The following DDR2 variants were observed in gnomAD, a reference collection of about 807,000 sequenced individuals.
DDR2 encodes the protein discoidin domain receptor tyrosine kinase 2, also known as discoidin domain-containing receptor 2.
Under a neutral mutation model 94.9 loss-of-function variants are expected in DDR2, and 27 were observed. The observed-to-expected ratio is 0.28, with a 90% CI of 0.21 to 0.39. The LOEUF is 0.39. Ranked by LOEUF, DDR2 falls within the 10% of genes least tolerant of loss-of-function variation. The probability of loss-of-function intolerance (pLI) is 1.00; values close to 1 mark genes in which losing one functional copy is unlikely to be tolerated. For synonymous variants in DDR2, 382 were observed against 377.2 expected (o/e 1.01, Z -0.15); for missense variants, 783 against 1,076.0 (o/e 0.73, Z 3.81).
intron 2 of DDR2, among the ~76,000 whole-genome samples, chr1:162,679,024 CAA>C (rs1266132439): frequency 1.3e-5 from 2 of 150,886 alleles, no homozygotes; most frequent in Admixed American, 1.3e-4. Context: ...CATGTTCTTA[CAA>C]GAGTGACACT....
chr1:162,697,541 G>A (rs10737487), intron 2 of DDR2, among the ~76,000 whole-genome samples: 90,640 of 152,016 alleles, frequency 0.6, 30,602 homozygotes, highest in Middle Eastern at 0.79. Context: ...TGCTTTGGGT[G>A]TATTTGTTTT....
intron 1 of DDR2, among the ~76,000 whole-genome samples, chr1:162,642,232 C>T (rs1439013730): frequency 6.6e-6 from 1 of 152,120 alleles, no homozygotes; most frequent in Non-Finnish European, 1.5e-5. Flanking sequence ...GTTGGGATTA[C>T]AGGCGTAAGC....
intron 2 of DDR2, among the ~76,000 whole-genome samples, chr1:162,691,999 G>A (rs1409255163): frequency 6.6e-6 from 1 of 152,230 alleles, no homozygotes; most frequent in Non-Finnish European, 1.5e-5. Context: ...GACCTTCAGA[G>A]CATCCTCAGT....
intron 2 of DDR2, among the ~76,000 whole-genome samples, chr1:162,676,610 C>T (rs953317151): frequency 6.6e-6 from 1 of 152,232 alleles, no homozygotes; most frequent in Non-Finnish European, 1.5e-5. Flanking sequence ...GCCTCTTGCA[C>T]ATTTTGGAAA....
intron 2 of DDR2, among the ~76,000 whole-genome samples, chr1:162,678,834 G>T (rs1202394902): frequency 6.6e-6 from 1 of 152,212 alleles, no homozygotes; most frequent in African/African-American, 2.4e-5. Context: ...TTGGTGAGTG[G>T]CACTCAGTGG....
intron 16 of DDR2, among the ~76,000 whole-genome samples, chr1:162,778,309 A>G (rs141533803): frequency 6.6e-6 from 1 of 152,314 alleles, no homozygotes; most frequent in East Asian, 1.9e-4. Context: ...CCTAGAGTTG[A>G]AAGGTTGACC....
At chr1:162,707,107 C>A (rs1660698152) in intron 2 of DDR2, among the ~76,000 whole-genome samples, 1 of 152,076 alleles carries the variant, frequency 6.6e-6, no homozygotes, top group South Asian at 2.1e-4. Context: ...ACTCCTGGGC[C>A]ATATTCTTCC....
At chr1:162,752,645 C>A (rs531887686) in intron 3 of DDR2, among the ~76,000 whole-genome samples, 17 of 152,160 alleles carry the variant, frequency 1.1e-4, no homozygotes, top group South Asian at 1.0e-3. Context: ...TGTGTAGTTT[C>A]TTTATAGTTT....
chr1:162,757,625 T>A (rs1558068705), intron 7 of DDR2, among the ~76,000 whole-genome samples: 1 of 152,134 alleles, frequency 6.6e-6, no homozygotes, highest in Non-Finnish European at 1.5e-5. Context: ...AACATTATCA[T>A]TAATGTAATG....
intron 2 of DDR2, among the ~76,000 whole-genome samples, chr1:162,678,934 C>T (rs1659263924): frequency 6.6e-6 from 1 of 152,090 alleles, no homozygotes; most frequent in South Asian, 2.1e-4. Flanking sequence ...TACAAATTTT[C>T]AGAGACACAG....
chr1:162,730,752 T>C (rs1661999465), intron 3 of DDR2, among the ~76,000 whole-genome samples: 1 of 152,176 alleles, frequency 6.6e-6, no homozygotes, highest in East Asian at 1.9e-4. Flanking sequence ...CTAATCTGTG[T>C]CCTGTCCGAC....
intron 2 of DDR2, among the ~76,000 whole-genome samples, chr1:162,669,320 T>C (rs1658724288): frequency 6.6e-6 from 1 of 152,256 alleles, no homozygotes. Context: ...AGTATTCTGA[T>C]TTTTAATTTA....
intron 1 of DDR2, among the ~76,000 whole-genome samples, chr1:162,645,924 G>A (rs1022494757): frequency 6.6e-6 from 1 of 152,196 alleles, no homozygotes; most frequent in East Asian, 1.9e-4. Flanking sequence ...TATGCCTCAA[G>A]TTTCTGCTTA....
intron 3 of DDR2, among the ~76,000 whole-genome samples, chr1:162,742,704 A>C (rs906969015): frequency 6.6e-5 from 10 of 151,580 alleles, no homozygotes; most frequent in Admixed American, 6.6e-5. Context: ...ATGGTGTATT[A>C]ATCCATTTTC....
intron 2 of DDR2, among the ~76,000 whole-genome samples, chr1:162,667,398 C>T (rs532777283): frequency 2.8e-4 from 43 of 152,242 alleles, no homozygotes; most frequent in Non-Finnish European, 5.9e-4. Context: ...TATGGCAGAC[C>T]CCGTGTTTCC....
chr1:162,701,148 A>G (rs1347627973), intron 2 of DDR2, among the ~76,000 whole-genome samples: 2 of 152,042 alleles, frequency 1.3e-5, no homozygotes, highest in Admixed American at 6.6e-5. Flanking sequence ...TGACCGTAGT[A>G]GATAGAATCA....
At chr1:162,684,116 A>G (rs534846592) in intron 2 of DDR2, among the ~76,000 whole-genome samples, 1 of 152,322 alleles carries the variant, frequency 6.6e-6, no homozygotes, top group South Asian at 2.1e-4. Context: ...TATTTTTCAG[A>G]AAAGCTCTAG....
At chr1:162,638,140 C>A (rs1427922630) in intron 1 of DDR2, among the ~76,000 whole-genome samples, 1 of 152,180 alleles carries the variant, frequency 6.6e-6, no homozygotes, top group Non-Finnish European at 1.5e-5. Flanking sequence ...CCTGCCTCAG[C>A]CTCCTGAGTA....
At chr1:162,765,267 G>C (rs17436304) in intron 9 of DDR2, among the ~76,000 whole-genome samples, 1 of 152,004 alleles carries the variant, frequency 6.6e-6, no homozygotes, top group Admixed American at 6.5e-5. Flanking sequence ...CCTGACAGCC[G>C]AACTCCGAAA....
Sources: gnomAD v4.1 joint callset for allele counts (sites outside exome capture counted in the v4.1 genomes callset) on GRCh38, gnomAD v4.1.1 for gene constraint, MANE v1.5 for transcripts, NCBI Gene and HGNC (gene_info 2026-07-23, HGNC 2026-07-21) for gene names.